The following IL11RA variants were observed in gnomAD, a reference collection of about 807,000 sequenced individuals.
The protein encoded by IL11RA is interleukin-11 receptor subunit alpha.
IL11RA carries 51 observed loss-of-function variants against 57.0 expected under a neutral mutation model. The ratio of observed to expected loss-of-function variants is 0.89; its 90% CI spans 0.71 to 1.13. The LOEUF (loss-of-function observed/expected upper bound fraction) is 1.13. Among genes scored for constraint, IL11RA ranks in the 50% most tolerant of loss-of-function variants. The probability of loss-of-function intolerance (pLI) is 0.00; values close to 1 mark genes in which losing one functional copy is unlikely to be tolerated. For synonymous variants in IL11RA, 199 were observed against 217.5 expected, an observed-to-expected ratio of 0.91 and a Z score of 0.75; for missense variants, 498 against 539.4, an observed-to-expected ratio of 0.92 and a Z score of 0.76.
chr9:34,656,263 T>A (rs2132354694), intron 3 of IL11RA, among the ~76,000 whole-genome samples: 1 of 152,200 alleles, frequency 6.6e-6, no homozygotes, highest in Admixed American at 6.5e-5. Flanking sequence ...AACTCCTGAC[T>A]TCAAGTAATC....
intron 1 of IL11RA, chr9:34,655,005 GT>G: frequency 1.8e-6 from 1 of 561,900 alleles, no homozygotes; most frequent in Non-Finnish European, 3.3e-6. Flanking sequence ...GTGTGTGTGT[GT>G]GTGTGTGTGT....
Position 34,655,200 on chromosome 9 carries a change from C to G in IL11RA, c.1-18C>G. 1 of 1,579,854 alleles carries G rather than the reference C, an allele frequency of 6.3e-7. No individual in the cohort carries two copies. Among genetic ancestry groups the G allele is most frequent in the Non-Finnish European group, 8.7e-7 (1 of 1,151,542 alleles). On this transcript the variant is annotated intron_variant, in intron 1 of 12. Coordinates refer to ENST00000441545, the MANE Select transcript of IL11RA (RefSeq NM_001142784.3). Reference sequence around the variant, plus strand: ...CATCTCAGGGGTCGGGGATTTTTGACTCTACCTCTCCCCACAGATGAGCAG... The same window carrying G: ...CATCTCAGGGGTCGGGGATTTTTGAGTCTACCTCTCCCCACAGATGAGCAG...
Position 34,657,160 on chromosome 9 carries a change from G to T in IL11RA, c.446+11G>T. ...CCTCACCTCCTACAGGTGTGTGTGTGATTGGGTGTGGATGCCTACACATTT... is the reference window on the plus strand; with the variant it reads ...CCTCACCTCCTACAGGTGTGTGTGTTATTGGGTGTGGATGCCTACACATTT... On this transcript the variant is annotated intron_variant, in intron 5 of 12. Transcript: ENST00000441545. 6.2e-7 allele frequency: 1 copy of T among 1,610,586 alleles called. No individual in the cohort carries two copies. The highest frequency in any genetic ancestry group is 1.1e-5 in the South Asian group (1 of 91,034).
At position 34,656,923 on chromosome 9, in the gene IL11RA, G is replaced by A. The variant is rs568165187; in HGVS notation, c.331+15G>A. ...GCAGCTGGGCTGTGAGTTGGGGAGGGTGGCACTGATGACACATAGGGATCC... is the reference window on the plus strand; with the variant it reads ...GCAGCTGGGCTGTGAGTTGGGGAGGATGGCACTGATGACACATAGGGATCC... On this transcript the variant is annotated intron_variant, in intron 4 of 12. Transcript: ENST00000441545. The A allele has an allele frequency of 1.7e-5, 28 of 1,614,034 alleles. 1 individual carries two copies. The South Asian group carries it at 2.5e-4, about 15-fold the overall frequency.
Position 34,657,018 on chromosome 9 carries a change from GT to G in IL11RA, c.332-16del. The G allele has an allele frequency of 6.2e-7, 1 of 1,612,378 alleles. No individual in the cohort carries two copies. Among genetic ancestry groups the G allele is most frequent in the Non-Finnish European group, 8.5e-7 (1 of 1,178,412 alleles). On this transcript the variant is annotated splice_polypyrimidine_tract_variant and intron_variant, in intron 4 of 12. Coordinates refer to ENST00000441545, the MANE Select transcript of IL11RA (RefSeq NM_001142784.3). ...CCTGAGGACTGCTCAGTCTCCAGGT[GT>G]ACCCTCTGCCTCTAGACCCTCCAGC...
At chr9:34,655,926 C>A in intron 3 of IL11RA, 1 of 536,394 alleles carries the variant, frequency 1.9e-6, no homozygotes, top group Non-Finnish European at 3.4e-6. Context: ...AAAGAGCTTA[C>A]ATCTTAGTGG....
At position 34,658,764 on chromosome 9, in the gene IL11RA, C is replaced by T; in HGVS notation, c.810+81C>T. The T allele has an allele frequency of 6.7e-7, 1 of 1,499,410 alleles. No homozygotes were observed. The highest frequency in any genetic ancestry group is 1.1e-5 in the South Asian group (1 of 88,652). The allele number at this position is 1,499,410 out of a possible 1,614,324, so 92.9% of individuals were successfully genotyped here. A position where few individuals can be genotyped will look rare whatever the true frequency, so the allele number is the denominator to read the frequency against. On this transcript the variant is annotated intron_variant, in intron 8 of 12. Transcript: ENST00000441545. The surrounding 1 kb of genome is among the most constrained non-coding windows in gnomAD (Gnocchi z 4.0). ...GATCCTGGGTGTTCTGTATAGCTTT[C>T]CAGTGCTGGCAGGTCACTGAAGACC...
Position 34,658,702 on chromosome 9 carries a change from C to T in IL11RA, c.810+19C>T. On this transcript the variant is annotated intron_variant, in intron 8 of 12. Coordinates refer to ENST00000441545, the MANE Select transcript of IL11RA (RefSeq NM_001142784.3). This position sits in a 1 kb window ranked among gnomAD's most constrained non-coding sequence, Gnocchi z 4.0. Reference sequence around the variant, plus strand: ...GTCCACGGTGAGGCCTGGAGTGCGTCCCAACCCACGGCTGTGGGTCCTGTC... The same window carrying T: ...GTCCACGGTGAGGCCTGGAGTGCGTTCCAACCCACGGCTGTGGGTCCTGTC... 6.2e-7 allele frequency: 1 copy of T among 1,609,168 alleles called. No individual in the cohort carries two copies.
At position 34,658,126 on chromosome 9, in the gene IL11RA, C is replaced by T. The variant is rs768454787; in HGVS notation, c.647-394C>T. ...TGTGATCTTGGCTCACTGAAGCCTG[C>T]AACTCCTGGGCTCAAGCTATCCCCT... On this transcript the variant is annotated intron_variant, in intron 7 of 12. Transcript: ENST00000441545. This position sits in a 1 kb window ranked among gnomAD's most constrained non-coding sequence, Gnocchi z 4.0. Among the ~76,000 whole-genome samples the T allele has an allele frequency of 7.9e-5, 12 of 152,152 alleles. No individual in the cohort carries two copies. Among genetic ancestry groups the T allele is most frequent in the Non-Finnish European group, 1.3e-4 (9 of 68,012 alleles).
Position 34,658,400 on chromosome 9 carries a change from A to T in IL11RA, c.647-120A>T. On this transcript the variant is annotated intron_variant, in intron 7 of 12. Coordinates refer to ENST00000441545, the MANE Select transcript of IL11RA (RefSeq NM_001142784.3). The surrounding 1 kb of genome is among the most constrained non-coding windows in gnomAD (Gnocchi z 4.0). ...AGTCTAATGGATGATCAAGTTTAAG[A>T]TTTCCCCTCCCCTCTCAGGAGTGTC... The T allele has an allele frequency of 9.7e-7, 1 of 1,035,746 alleles. No individual in the cohort carries two copies. 64.2% of individuals were successfully genotyped at this position (1,035,746 alleles called of 1,614,324 possible).
chr9:34,655,045 G>T (rs1032155727), intron 1 of IL11RA, 173 bp from the exon 2 acceptor site: 8 of 657,802 alleles, frequency 1.2e-5, no homozygotes, highest in African/African-American at 1.1e-4. Context: ...AAAGCACTGG[G>T]TATACAGTGG....
chr9:34,655,047 A>G lies in IL11RA; in HGVS notation c.1-171A>G, dbSNP rs1821316769. ...CGCACGCACATGCAAAGCACTGGGT[A>G]TACAGTGGGAAAGGGGACCTCAGGT... On this transcript the variant is annotated intron_variant, in intron 1 of 12. Transcript: ENST00000441545. 3 of 652,022 alleles carry G rather than the reference A, an allele frequency of 4.6e-6. No individual in the cohort carries two copies. The South Asian group carries it at 5.1e-5, about 11-fold the overall frequency. 40.4% of individuals were successfully genotyped at this position (652,022 alleles called of 1,614,324 possible). A position where few individuals can be genotyped will look rare whatever the true frequency, so the allele number is the denominator to read the frequency against.
Position 34,661,728 on chromosome 9 carries a change from T to A in IL11RA, c.*230T>A. On this transcript the variant is annotated 3_prime_UTR_variant, in exon 13 of 13. Coordinates refer to ENST00000441545, the MANE Select transcript of IL11RA (RefSeq NM_001142784.3). ...AAGGAACGTGTGTAATGTGTACATC[T>A]GTGTCCATGTGTGACCATGTGTCTG... is the stretch of plus-strand genomic sequence containing the variant. 1 of 693,498 alleles carries A rather than the reference T, an allele frequency of 1.4e-6. No individual in the cohort carries two copies. Among genetic ancestry groups the A allele is most frequent in the South Asian group, 1.7e-5 (1 of 58,844 alleles). 43.0% of individuals were successfully genotyped at this position (693,498 alleles called of 1,614,324 possible). A position where few individuals can be genotyped will look rare whatever the true frequency, so the allele number is the denominator to read the frequency against.
At chr9:34,655,142 G>A (rs1158103616) in intron 1 of IL11RA, 76 bp from the exon 2 acceptor site, 75 of 1,063,350 alleles carry the variant, frequency 7.1e-5, no homozygotes, top group Non-Finnish European at 1.0e-4. Context: ...GGAAGCCTCA[G>A]TTTTGGAGAG....
At chr9:34,655,118 C>G in intron 1 of IL11RA, 100 bp from the exon 2 acceptor site, 1 of 823,720 alleles carries the variant, frequency 1.2e-6, no homozygotes, top group Non-Finnish European at 2.1e-6. Flanking sequence ...CTTGGTGCAT[C>G]AATTTTTCTC....
intron 1 of IL11RA, chr9:34,654,102 C>G (rs956675578): frequency 2.0e-5 from 3 of 152,478 alleles, no homozygotes; most frequent in Admixed American, 2.0e-4. Context: ...CTGCTCTGCT[C>G]TACTCCTACT....
At position 34,656,847 on chromosome 9, in the gene IL11RA, C is replaced by A. The variant is rs757663278; in HGVS notation, c.270C>A (p.Gly90=). The A allele has an allele frequency of 9.9e-6, 16 of 1,614,144 alleles. No individual in the cohort carries two copies. Among genetic ancestry groups the A allele is most frequent in the Non-Finnish European group, 1.3e-5 (15 of 1,180,014 alleles). ...VLAQADSTDE[G]TYICQTLDGA... is the part of the protein sequence containing the mutation. The stretch of plus-strand genomic sequence containing the variant: ...CCCAGGCAGACAGCACTGATGAGGG[C>A]ACCTACATCTGCCAGACCCTGGATG... Residue 90 remains glycine (G), a synonymous_variant, in exon 4 of 13, where the codon GGC becomes GGA. Transcript: ENST00000441545.
At chr9:34,655,818 A>C (rs1033462797) in intron 3 of IL11RA, 153 bp downstream of exon 3, 3 of 731,892 alleles carry the variant, frequency 4.1e-6, no homozygotes, top group Non-Finnish European at 7.4e-6. Flanking sequence ...TATTCAACAG[A>C]AAATTCAACT....
At chr9:34,659,632 C>A in intron 8 of IL11RA, 127 bp from the exon 9 acceptor site, 1 of 1,151,668 alleles carries the variant, frequency 8.7e-7, no homozygotes, top group Non-Finnish European at 1.3e-6. Context: ...AGACACCCAA[C>A]ATGAGACCTA....
Sources: gnomAD v4.1 joint callset for allele counts (sites outside exome capture counted in the v4.1 genomes callset) on GRCh38, gnomAD v4.1.1 for gene constraint, Gnocchi (gnomAD v3.1) non-coding constraint, MANE v1.5 for transcripts, NCBI Gene and HGNC (gene_info 2026-07-23, HGNC 2026-07-21) for gene names.